Variants in WWOX observed in about 807,000 individuals in gnomAD.
WWOX encodes the protein WW domain containing oxidoreductase, also known as WW domain-containing oxidoreductase.
A neutral mutation model predicts 46.2 loss-of-function variants in WWOX; 69 were observed. That is an observed-to-expected ratio of 1.49 (90% CI 1.23 to 1.82). The LOEUF is 1.82. WWOX is among the 40% of genes most tolerant of loss of function. The pLI, the probability that WWOX is intolerant of heterozygous loss-of-function variation, is 0.00. For synonymous variants in WWOX, 359 were observed against 202.6 expected (o/e 1.77, Z -6.56); for missense variants, 919 against 542.6 (o/e 1.69, Z -6.89).
chr16:78,629,438 C>G (rs545840074), intron 8 of WWOX, among the ~76,000 whole-genome samples: 1 of 152,268 alleles, frequency 6.6e-6, no homozygotes, highest in East Asian at 1.9e-4. Context: ...ATCCCTTCTT[C>G]AGGCAGAAGC....
At chr16:78,937,226 T>C (rs1597175820) in intron 8 of WWOX, among the ~76,000 whole-genome samples, 1 of 152,218 alleles carries the variant, frequency 6.6e-6, no homozygotes, top group East Asian at 1.9e-4. Flanking sequence ...ACTTTCAACT[T>C]TTAATAGTAT....
intron 6 of WWOX, among the ~76,000 whole-genome samples, chr16:78,390,710 G>A (rs1048948167): frequency 2.6e-5 from 4 of 152,160 alleles, no homozygotes; most frequent in African/African-American, 9.7e-5. Flanking sequence ...TTAAGTGCTG[G>A]TGACTAGGCT....
chr16:78,329,553 A>G (rs530501503), intron 5 of WWOX, among the ~76,000 whole-genome samples: 310 of 152,302 alleles, frequency 2.0e-3, no homozygotes, highest in Non-Finnish European at 3.5e-3. Flanking sequence ...GCCAAGTTGC[A>G]AGGTCTTTGG....
At chr16:78,135,911 G>T (rs954210019) in intron 4 of WWOX, among the ~76,000 whole-genome samples, 12 of 152,180 alleles carry the variant, frequency 7.9e-5, no homozygotes, top group African/African-American at 2.9e-4. Flanking sequence ...GCATGCAAAT[G>T]TGGGTGGGTG....
chr16:78,324,426 C>G (rs967163443), intron 5 of WWOX, among the ~76,000 whole-genome samples: 1 of 151,994 alleles, frequency 6.6e-6, no homozygotes, highest in African/African-American at 2.4e-5. Flanking sequence ...CCTAGCAATT[C>G]CACTCCTAGG....
chr16:79,178,251 A>G (rs1379093464), intron 8 of WWOX, among the ~76,000 whole-genome samples: 1 of 152,228 alleles, frequency 6.6e-6, no homozygotes, highest in Non-Finnish European at 1.5e-5. Flanking sequence ...TTATTTACAA[A>G]AAACAAAAAA....
chr16:78,569,782 C>T (rs192382786), intron 8 of WWOX, among the ~76,000 whole-genome samples: 1 of 152,308 alleles, frequency 6.6e-6, no homozygotes, highest in Non-Finnish European at 1.5e-5. Flanking sequence ...TTATCCTCTT[C>T]TTATTGACCA....
intron 8 of WWOX, among the ~76,000 whole-genome samples, chr16:79,174,533 C>T (rs1224519889): frequency 6.6e-6 from 1 of 152,174 alleles, no homozygotes; most frequent in African/African-American, 2.4e-5. Flanking sequence ...CCTATAATCC[C>T]AGCTACTCTG....
At position 78,350,979 on chromosome 16, in the gene WWOX, G is replaced by A. The variant is rs781578366; in HGVS notation, c.517-35881G>A. 1.8e-4 allele frequency among the ~76,000 whole-genome samples: 10 copies of A among 56,124 alleles called. 5 individuals carry two copies. The allele number at this position is 56,124 out of a possible 152,430, so 36.8% of individuals were successfully genotyped here. ...GCACTCGCTGTCATTTTTCTTTTTA[G>A]TCTTGTCATTTTATTGGGTATGAAG... On this transcript the variant is annotated intron_variant, in intron 5 of 8. Transcript: ENST00000566780.
At chr16:78,291,721 T>TAA (rs150174043) in intron 5 of WWOX, among the ~76,000 whole-genome samples, 1 of 150,736 alleles carries the variant, frequency 6.6e-6, no homozygotes, top group African/African-American at 2.4e-5. Context: ...AAAAAATAAA[T>TAA]AAAAAAAAAG....
intron 8 of WWOX, among the ~76,000 whole-genome samples, chr16:79,178,262 C>T (rs2050841181): frequency 6.6e-6 from 1 of 152,158 alleles, no homozygotes; most frequent in Non-Finnish European, 1.5e-5. Context: ...AAACAAAAAA[C>T]AGTGGGCAGG....
intron 8 of WWOX, among the ~76,000 whole-genome samples, chr16:78,481,597 T>C (rs923163108): frequency 2.0e-5 from 3 of 151,220 alleles, no homozygotes; most frequent in African/African-American, 4.9e-5. Context: ...CATCCTGATA[T>C]CAGCACGTGG....
chr16:78,944,035 A>G (rs150323529), intron 8 of WWOX, among the ~76,000 whole-genome samples: 2 of 152,272 alleles, frequency 1.3e-5, no homozygotes, highest in East Asian at 1.9e-4. Context: ...AAACAAATAA[A>G]CAAAAACACA....
At chr16:78,802,676 G>A (rs909516050) in intron 8 of WWOX, among the ~76,000 whole-genome samples, 1 of 151,916 alleles carries the variant, frequency 6.6e-6, no homozygotes, top group East Asian at 1.9e-4. Flanking sequence ...AGCACTTTGA[G>A]AGGCCAAGGC....
At chr16:78,703,403 C>G (rs1055215522) in intron 8 of WWOX, among the ~76,000 whole-genome samples, 2 of 151,976 alleles carry the variant, frequency 1.3e-5, no homozygotes, top group Non-Finnish European at 2.9e-5. Flanking sequence ...ATTGCATGAG[C>G]TCAGGAGTTC....
intron 8 of WWOX, among the ~76,000 whole-genome samples, chr16:78,700,122 T>A (rs981735514): frequency 5.3e-5 from 8 of 152,070 alleles, no homozygotes; most frequent in South Asian, 2.1e-4. Context: ...ACTAGTTACG[T>A]GGACTGTCTT....
intron 8 of WWOX, among the ~76,000 whole-genome samples, chr16:78,572,077 A>C (rs115456080): frequency 0.018 from 2,741 of 152,302 alleles, 48 homozygotes; most frequent in Admixed American, 0.043. Flanking sequence ...TTTGGTTCCT[A>C]TAAAGATGCC....
At chr16:79,108,420 A>G (rs895325268) in intron 8 of WWOX, among the ~76,000 whole-genome samples, 32 of 152,208 alleles carry the variant, frequency 2.1e-4, no homozygotes, top group African/African-American at 7.2e-4. Flanking sequence ...CAGGGGAGAG[A>G]TAAACTCAAA....
At chr16:78,269,591 G>A (rs1363810276) in intron 5 of WWOX, among the ~76,000 whole-genome samples, 1 of 152,176 alleles carries the variant, frequency 6.6e-6, no homozygotes, top group East Asian at 1.9e-4. Context: ...CTCATCAAAA[G>A]CTCTATCTTT....
Sources: allele counts gnomAD v4.1 joint callset (sites outside exome capture counted in the v4.1 genomes callset), GRCh38; gene constraint gnomAD v4.1.1; transcripts MANE v1.5; gene names NCBI Gene and HGNC (gene_info 2026-07-23, HGNC 2026-07-21).